The following HYAL4 variants were observed in gnomAD, a reference collection of about 807,000 sequenced individuals.
HYAL4 encodes the protein hyaluronidase-4.
A neutral mutation model predicts 35.2 loss-of-function variants in HYAL4; 37 were observed. The observed-to-expected ratio is 1.05, with a 90% confidence interval of 0.81 to 1.38. HYAL4 has a LOEUF of 1.38. HYAL4 is among the 40% of genes most tolerant of loss of function. HYAL4 has a pLI of 0.00. For missense variants in HYAL4, 572 were observed against 572.4 expected (o/e 1.00, Z 0.01); for synonymous variants, 198 against 203.2 (o/e 0.97, Z 0.22).
At chr7:123,852,182 G>C (rs1806319794) in intron 2 of HYAL4, among the ~76,000 whole-genome samples, 1 of 152,130 alleles carries the variant, frequency 6.6e-6, no homozygotes, top group African/African-American at 2.4e-5. Context: ...CTCTCATTCT[G>C]TAGGTTGCCT....
upstream of HYAL4, among the ~76,000 whole-genome samples, chr7:123,828,427 TAC>T (rs34327472): frequency 0.013 from 1,883 of 141,366 alleles, 24 homozygotes; most frequent in African/African-American, 0.04. Context: ...TGTTCATAAT[TAC>T]ACACACACAC....
upstream of HYAL4, among the ~76,000 whole-genome samples, chr7:123,841,104 G>T (rs1437383038): frequency 6.6e-6 from 1 of 151,982 alleles, no homozygotes; most frequent in East Asian, 1.9e-4. Context: ...TGCCCATTCA[G>T]TATGATATTG....
the HYAL4 span, among the ~76,000 whole-genome samples, chr7:123,769,030 A>G: frequency 6.6e-6 from 1 of 152,238 alleles, no homozygotes; most frequent in African/African-American, 2.4e-5. Flanking sequence ...TCAGCTTATA[A>G]ATTCAACGTA....
the HYAL4 span, among the ~76,000 whole-genome samples, chr7:123,823,665 A>G: frequency 6.7e-6 from 1 of 149,526 alleles, no homozygotes; most frequent in Non-Finnish European, 1.5e-5. Context: ...TTGTTTTTTC[A>G]TTTTTAGTTC....
At chr7:123,834,579 C>G (rs146631890) in intron 1 of HYAL4, among the ~76,000 whole-genome samples, 1,839 of 152,230 alleles carry the variant, frequency 0.012, 33 homozygotes, top group African/African-American at 0.042. Flanking sequence ...ATTTCTTTCT[C>G]TTGTCTGATT....
At chr7:123,840,995 G>A (rs1338802421), upstream of HYAL4, among the ~76,000 whole-genome samples, 1 of 151,590 alleles carries the variant, frequency 6.6e-6, no homozygotes, top group Non-Finnish European at 1.5e-5. Context: ...CTCTTTCCTG[G>A]TTGTCCTGGC....
the HYAL4 span, among the ~76,000 whole-genome samples, chr7:123,771,418 CTG>C: frequency 3.9e-5 from 6 of 152,216 alleles, no homozygotes; most frequent in East Asian, 9.7e-4. Context: ...GTGGGGCTGT[CTG>C]TGCGTTGGAT....
At chr7:123,818,128 C>T in the HYAL4 span, among the ~76,000 whole-genome samples, 104 of 152,294 alleles carry the variant, frequency 6.8e-4, no homozygotes, top group Non-Finnish European at 1.2e-3. Flanking sequence ...CTGTCTGCCT[C>T]GGGCTCCCAA....
chr7:123,801,564 A>G, the HYAL4 span, among the ~76,000 whole-genome samples: 2 of 152,170 alleles, frequency 1.3e-5, no homozygotes, highest in Non-Finnish European at 2.9e-5. Context: ...ACGAAAACCT[A>G]TTCTTATTTC....
rs1006794853 is a variant in HYAL4, at chr7:123,874,820, T to C, written c.1014T>C (p.Ile338=). 6 of 1,607,208 alleles carry C rather than the reference T, an allele frequency of 3.7e-6. No individual in the cohort carries two copies. Among genetic ancestry groups the C allele is most frequent in the Non-Finnish European group, 5.1e-6 (6 of 1,173,734 alleles). Residue 338 remains isoleucine (I), a synonymous_variant, in exon 4 of 5, where the codon ATT becomes ATC. Coordinates refer to ENST00000223026, the MANE Select transcript of HYAL4 (RefSeq NM_012269.3). Reference sequence around the variant, plus strand: ...CCTTGGGAGCTGCAGGCATTGTTATTTGGGGAGACATGAATTTAACTGCAT... The same window carrying C: ...CCTTGGGAGCTGCAGGCATTGTTATCTGGGGAGACATGAATTTAACTGCAT... ...SAALGAAGIV[I]WGDMNLTASK... is the part of the protein sequence containing the mutation.
chr7:123,839,847 T>G, intron 1 of HYAL4, among the ~76,000 whole-genome samples: 1 of 151,768 alleles, frequency 6.6e-6, no homozygotes, highest in East Asian at 1.9e-4. Flanking sequence ...TTTTTTTTTC[T>G]TGTAAATCTG....
chr7:123,792,749 C>T, the HYAL4 span, among the ~76,000 whole-genome samples: 5 of 152,132 alleles, frequency 3.3e-5, no homozygotes, highest in East Asian at 1.9e-4. Context: ...TGATCAGAGA[C>T]GTTTTTCACA....
At chr7:123,789,377 T>C in the HYAL4 span, among the ~76,000 whole-genome samples, 158 of 152,206 alleles carry the variant, frequency 1.0e-3, no homozygotes, top group East Asian at 0.016. Context: ...TATAATCCAT[T>C]TGGACAAGGG....
the HYAL4 span, among the ~76,000 whole-genome samples, chr7:123,776,079 G>T: frequency 1.3e-5 from 2 of 152,272 alleles, no homozygotes; most frequent in South Asian, 2.1e-4. Context: ...AAAGTTTCAA[G>T]AAAATGTCTA....
At chr7:123,792,388 T>A in the HYAL4 span, among the ~76,000 whole-genome samples, 3 of 152,230 alleles carry the variant, frequency 2.0e-5, no homozygotes, top group African/African-American at 7.2e-5. Context: ...TGGCTTTGCC[T>A]CTTATCTCTT....
the HYAL4 span, among the ~76,000 whole-genome samples, chr7:123,778,564 G>A: frequency 2.2e-4 from 34 of 151,232 alleles, no homozygotes; most frequent in Admixed American, 5.3e-4. Context: ...TGTTTCGTAC[G>A]ATGTCTTTTG....
At chr7:123,784,795 G>A in the HYAL4 span, among the ~76,000 whole-genome samples, 2 of 152,168 alleles carry the variant, frequency 1.3e-5, no homozygotes, top group African/African-American at 4.8e-5. Flanking sequence ...AAAACAAGGA[G>A]CCTTCCAGGA....
chr7:123,833,426 G>C (rs563941071), intron 1 of HYAL4, among the ~76,000 whole-genome samples: 1 of 151,686 alleles, frequency 6.6e-6, no homozygotes, highest in African/African-American at 2.4e-5. Flanking sequence ...TGATGAGATT[G>C]TTTGTTTTTT....
chr7:123,779,661 A>G, the HYAL4 span, among the ~76,000 whole-genome samples: 1 of 152,250 alleles, frequency 6.6e-6, no homozygotes, highest in South Asian at 2.1e-4. Flanking sequence ...TTCAAAATAA[A>G]AAAAATTTTA....
Sources: gnomAD v4.1 joint callset for allele counts (sites outside exome capture counted in the v4.1 genomes callset) on GRCh38, gnomAD v4.1.1 for gene constraint, MANE v1.5 for transcripts, NCBI Gene and HGNC (gene_info 2026-07-23, HGNC 2026-07-21) for gene names.